COL15A1: variants seen among roughly 807,000 people sequenced by gnomAD.
COL15A1 encodes collagen alpha-1(XV) chain.
A neutral mutation model predicts 165.9 loss-of-function variants in COL15A1; 111 were observed. The ratio of observed to expected loss-of-function variants is 0.67; its 90% confidence interval spans 0.57 to 0.78. The LOEUF (loss-of-function observed/expected upper bound fraction) is 0.78. Among genes scored for constraint, COL15A1 ranks in the 30% least tolerant of loss-of-function variants. The pLI is 0.00. For synonymous variants in COL15A1, 659 were observed against 674.8 expected (o/e 0.98, Z 0.36); for missense variants, 1,745 against 1,789.7 (o/e 0.98, Z 0.45).
chr9:99,003,282 G>A (rs1477055636), intron 7 of COL15A1, among the ~76,000 whole-genome samples, 171 bp from the exon 8 acceptor site: 1 of 152,254 alleles, frequency 6.6e-6, no homozygotes, highest in East Asian at 1.9e-4. Context: ...AGGTGCCTGG[G>A]CAGTCTTTCC....
In COL15A1 at chr9:99,056,272, G is replaced by A. The variant is rs1205991983; in HGVS notation, c.3205G>A (p.Glu1069Lys). ...GNPGPAGQKG[E>K]TVVGPQGPPG... is the part of the protein sequence containing the mutation. ...CTTGCCTTGACAGGGCCAAAAAGGGGAGACAGTCGTTGGGCCCCAAGGACC... is the reference window on the plus strand; with the variant it reads ...CTTGCCTTGACAGGGCCAAAAAGGGAAGACAGTCGTTGGGCCCCAAGGACC... The change falls in exon 35 of 42, where the codon GAG becomes AAG. Residue 1069 changes from glutamate to lysine, a missense_variant. Coordinates refer to ENST00000375001, the MANE Select transcript of COL15A1 (RefSeq NM_001855.5). 1.2e-6 allele frequency: 2 copies of A among 1,614,220 alleles called. No homozygotes were observed. The highest frequency in any genetic ancestry group is 2.7e-5 in the African/African-American group (2 of 75,080).
chr9:98,970,235 T>A (rs941561076), intron 2 of COL15A1, among the ~76,000 whole-genome samples: 1 of 152,224 alleles, frequency 6.6e-6, no homozygotes, highest in Non-Finnish European at 1.5e-5. Context: ...CTGGATTACA[T>A]GCCAGGCATC....
chr9:98,993,334 A>T (rs1051185392), intron 5 of COL15A1, among the ~76,000 whole-genome samples: 1 of 152,214 alleles, frequency 6.6e-6, no homozygotes. Context: ...CATAGTACAG[A>T]TGCCTCGTTC....
At chr9:98,946,086 C>A (rs1047134587) in intron 2 of COL15A1, among the ~76,000 whole-genome samples, 2 of 152,202 alleles carry the variant, frequency 1.3e-5, no homozygotes, top group African/African-American at 4.8e-5. Flanking sequence ...GTAAACTATC[C>A]TCCTGCAAAC....
In COL15A1 at chr9:99,063,107, G is replaced by T; in HGVS notation, c.3649G>T (p.Ala1217Ser). The change falls in exon 39 of 42, where the codon GCT (alanine) becomes TCT (serine). Residue 1217 changes from alanine to serine, a missense_variant and splice_region_variant. By Grantham distance (99) the Ala-to-Ser change is moderately conservative (BLOSUM62 1). Coordinates refer to ENST00000375001, the MANE Select transcript of COL15A1 (RefSeq NM_001855.5). ...PISSANYEKP[A>S]LHLAALNMPF... ...TTCAAGTGCCAATTATGAGAAGCCTGCTGTAAGTACAATTTATACATTTAA... is the reference window on the plus strand; with the variant it reads ...TTCAAGTGCCAATTATGAGAAGCCTTCTGTAAGTACAATTTATACATTTAA... The T allele has an allele frequency of 6.3e-7, 1 of 1,583,572 alleles. No individual in the cohort carries two copies. Among genetic ancestry groups the T allele is most frequent in the Non-Finnish European group, 8.5e-7 (1 of 1,170,512 alleles).
In COL15A1 at chr9:99,016,638, G is replaced by A. The variant is rs79238183; in HGVS notation, c.1647+519G>A. 1.6e-3 allele frequency among the ~76,000 whole-genome samples: 240 copies of A among 152,352 alleles called. 2 individuals are homozygous for A. Among genetic ancestry groups the A allele is most frequent in the African/African-American group, 5.7e-3 (236 of 41,576 alleles). On this transcript the variant is annotated intron_variant, in intron 11 of 41. Transcript: ENST00000375001. The stretch of plus-strand genomic sequence containing the variant: ...ATGCAGGTTGGAGAACGTTTACAAA[G>A]CTCTGTACCCACACCTAGGGTTGTC...
At chr9:99,038,408 A>G (rs1051877772) in intron 21 of COL15A1, among the ~76,000 whole-genome samples, 1 of 152,250 alleles carries the variant, frequency 6.6e-6, no homozygotes, top group Non-Finnish European at 1.5e-5. Context: ...TATAATATGT[A>G]TATGTTTAAA....
chr9:98,994,736 G>A (rs1041298119), intron 5 of COL15A1, among the ~76,000 whole-genome samples: 11 of 152,074 alleles, frequency 7.2e-5, no homozygotes, highest in Non-Finnish European at 1.3e-4. Flanking sequence ...TCAGCAAATT[G>A]CAACACTTTT....
rs1359283746 is a variant in COL15A1, at chr9:98,986,029, C to T, written c.565C>T (p.Arg189Trp). 1.2e-6 allele frequency: 2 copies of T among 1,613,994 alleles called. No individual in the cohort carries two copies. Among genetic ancestry groups the T allele is most frequent in the Non-Finnish European group, 1.7e-6 (2 of 1,180,020 alleles). Reference protein sequence around the residue: ...CEEHSRIPFQRSSQALAFESS... With the variant: ...CEEHSRIPFQWSSQALAFESS... ...GGAGCACAGCCGCATCCCCTTCCAG[C>T]GGTCCTCCCAGGCTTTGGCTTTTGA... Residue 189 changes from arginine (R) to tryptophan (W), a missense_variant, in exon 3 of 42, where the codon CGG becomes TGG. Coordinates refer to ENST00000375001, the MANE Select transcript of COL15A1 (RefSeq NM_001855.5).
In COL15A1 at chr9:99,023,397, C is replaced by G. The variant is rs199674083; in HGVS notation, c.1802C>G (p.Ser601Trp). 4.7e-5 allele frequency: 76 copies of G among 1,606,706 alleles called. No individual in the cohort carries two copies. The highest frequency in any genetic ancestry group is 5.9e-5 in the Non-Finnish European group (69 of 1,174,046). The change falls in exon 14 of 42, where the codon TCG (serine) becomes TGG (tryptophan). Residue 601 changes from serine (S) to tryptophan (W), a missense_variant. Physicochemically the swap from Ser to Trp is radical, Grantham distance 177. Transcript: ENST00000375001. ...GAGGGCTCTGGCCTAGGCTGGGGCT[C>G]GGACGTCGGCTCTGGCTCTGGTGAC... ...EAEGSGLGWG[S>W]DVGSGSGDLV...
At chr9:99,001,050 A>G (rs1189981696) in intron 7 of COL15A1, 99 bp downstream of exon 7, 2 of 712,480 alleles carry the variant, frequency 2.8e-6, no homozygotes, top group South Asian at 3.1e-5. Context: ...GAGAACCACA[A>G]GGGTTTTGGT....
intron 28 of COL15A1, among the ~76,000 whole-genome samples, 159 bp downstream of exon 28, chr9:99,048,159 G>C (rs1839525414): frequency 1.3e-5 from 2 of 152,178 alleles, no homozygotes; most frequent in African/African-American, 2.4e-5. Flanking sequence ...CTGTCCTTCA[G>C]CTCCCTCTCA....
At chr9:99,015,855 G>T in intron 10 of COL15A1, 121 bp from the exon 11 acceptor site, 1 of 1,224,660 alleles carries the variant, frequency 8.2e-7, no homozygotes, top group Non-Finnish European at 1.2e-6. Flanking sequence ...TGGGGGTAAC[G>T]ATGATCGTAG....
At chr9:99,060,090 T>C in intron 36 of COL15A1, 137 bp downstream of exon 36, 1 of 872,650 alleles carries the variant, frequency 1.1e-6, no homozygotes. Context: ...ATTCCATAAA[T>C]AGTAGAAGGG....
chr9:99,057,152 C>T (rs1036973866), intron 35 of COL15A1, among the ~76,000 whole-genome samples: 3 of 152,222 alleles, frequency 2.0e-5, no homozygotes, highest in African/African-American at 4.8e-5. Flanking sequence ...CAACATTTCT[C>T]ATTCCCATCA....
chr9:99,068,505 T>A, intron 40 of COL15A1, 50 bp from the exon 41 acceptor site: 1 of 735,596 alleles, frequency 1.4e-6, no homozygotes, highest in South Asian at 2.8e-5. Context: ...ATCTAACTCA[T>A]TTGTAGGCTG....
At chr9:99,007,079 C>T (rs1482469051) in intron 9 of COL15A1, among the ~76,000 whole-genome samples, 1 of 152,150 alleles carries the variant, frequency 6.6e-6, no homozygotes, top group Non-Finnish European at 1.5e-5. Flanking sequence ...AAAAGCAGGA[C>T]AACTCAAAGT....
Position 99,066,936 on chromosome 9 carries a change from C to G in COL15A1, c.3706C>G (p.Gln1236Glu), listed in dbSNP as rs762478270. The change falls in exon 40 of 42, where the codon CAG becomes GAG. Residue 1236 changes from glutamine (Q) to glutamate (E), a missense_variant. Gln to Glu is a conservative substitution (Grantham distance 29, BLOSUM62 2). Coordinates refer to ENST00000375001, the MANE Select transcript of COL15A1 (RefSeq NM_001855.5). ...PFSGDIRADF[Q>E]CFKQARAAGL... ...TTCTGGGGACATTCGAGCTGATTTT[C>G]AGTGCTTCAAGCAGGCCAGAGCTGC... is the stretch of plus-strand genomic sequence containing the variant. 9 of 1,614,096 alleles carry G rather than the reference C, an allele frequency of 5.6e-6. No homozygotes were observed. In the South Asian group the frequency reaches 8.8e-5, roughly 16 times the overall value.
intron 19 of COL15A1, among the ~76,000 whole-genome samples, 166 bp from the exon 20 acceptor site, chr9:99,036,004 G>C (rs923899447): frequency 1.3e-5 from 2 of 152,208 alleles, no homozygotes; most frequent in Non-Finnish European, 2.9e-5. Flanking sequence ...ACTCTGTGGA[G>C]TGTTGCTTCC....
Sources: gnomAD v4.1 joint callset for allele counts (sites outside exome capture counted in the v4.1 genomes callset) on GRCh38, gnomAD v4.1.1 for gene constraint, MANE v1.5 for transcripts, NCBI Gene and HGNC (gene_info 2026-07-23, HGNC 2026-07-21) for gene names.